Variants in PXDNL observed in about 807,000 individuals in gnomAD.
The protein encoded by PXDNL is peroxidasin like.
A neutral mutation model predicts 150.8 loss-of-function variants in PXDNL; 145 were observed. That is an observed-to-expected ratio of 0.96 (90% CI 0.84 to 1.10). The LOEUF (loss-of-function observed/expected upper bound fraction) is 1.10. Among genes scored for constraint, PXDNL ranks in the 50% least tolerant of loss-of-function variants. The probability of loss-of-function intolerance (pLI) is 0.00; values close to 1 mark genes in which losing one functional copy is unlikely to be tolerated. For synonymous variants in PXDNL, 757 were observed against 725.7 expected (o/e 1.04, Z -0.69); for missense variants, 2,087 against 1,873.9 (o/e 1.11, Z -2.10).
Position 51,374,697 on chromosome 8 carries a change from G to T in PXDNL, c.3592C>A (p.Pro1198Thr), listed in dbSNP as rs1407067131. Residue 1198 changes from proline (P) to threonine (T), a missense_variant, in exon 18 of 23, where the codon CCC (proline) becomes ACC (threonine). By Grantham distance (38) the Pro-to-Thr change is conservative. Coordinates refer to ENST00000356297, the MANE Select transcript of PXDNL (RefSeq NM_144651.5). ...ATCAGGTCTTCAACCATAAGGGCGG[G>T]CCAGAGGTCAATGTCACCTGGAGAG... ...YGSPGDIDLW[P>T]ALMVEDLIPG... 3 of 1,613,878 alleles carry T rather than the reference G, an allele frequency of 1.9e-6. No homozygotes were observed. Among genetic ancestry groups the T allele is most frequent in the East Asian group, 4.5e-5 (2 of 44,874 alleles).
chr8:51,341,452 G>T (rs533281048), intron 20 of PXDNL, among the ~76,000 whole-genome samples: 5 of 151,774 alleles, frequency 3.3e-5, no homozygotes, highest in African/African-American at 4.8e-5. Flanking sequence ...GTTTTTGTTT[G>T]TTTATTTTCA....
intron 2 of PXDNL, among the ~76,000 whole-genome samples, chr8:51,634,146 T>A (rs1466503855): frequency 6.6e-6 from 1 of 152,178 alleles, no homozygotes; most frequent in South Asian, 2.1e-4. Flanking sequence ...TTTGAGCTAA[T>A]TTTTTTATAC....
At chr8:51,635,481 C>G (rs1304398199) in intron 2 of PXDNL, among the ~76,000 whole-genome samples, 1 of 151,878 alleles carries the variant, frequency 6.6e-6, no homozygotes, top group Non-Finnish European at 1.5e-5. Flanking sequence ...AAAACTTTAG[C>G]TAGGCTAACC....
intron 11 of PXDNL, 39 bp from the exon 12 acceptor site, chr8:51,447,201 G>C: frequency 6.3e-7 from 1 of 1,599,766 alleles, no homozygotes; most frequent in Non-Finnish European, 8.5e-7. Flanking sequence ...TCATGGCCCA[G>C]AGCACTGAAA....
At chr8:51,398,112 G>T (rs965823947) in intron 17 of PXDNL, among the ~76,000 whole-genome samples, 16 of 152,222 alleles carry the variant, frequency 1.1e-4, no homozygotes, top group African/African-American at 3.4e-4. Context: ...CAACATGTGT[G>T]AGCCCACAGC....
intron 4 of PXDNL, among the ~76,000 whole-genome samples, chr8:51,500,356 T>C (rs983153133): frequency 4.6e-5 from 7 of 152,240 alleles, no homozygotes; most frequent in Admixed American, 2.6e-4. Flanking sequence ...TCTGTGCAAC[T>C]GATCCAGGAG....
chr8:51,515,262 G>A (rs1811511149), intron 4 of PXDNL, among the ~76,000 whole-genome samples: 1 of 152,156 alleles, frequency 6.6e-6, no homozygotes, highest in Non-Finnish European at 1.5e-5. Flanking sequence ...AGATGGAAGA[G>A]CAGGGGGAGA....
At chr8:51,419,637 T>C (rs1808893067) in intron 14 of PXDNL, among the ~76,000 whole-genome samples, 1 of 152,226 alleles carries the variant, frequency 6.6e-6, no homozygotes, top group Non-Finnish European at 1.5e-5. Context: ...AACCGAATCA[T>C]TTTCACGAGG....
At chr8:51,807,090 G>A (rs924224730) in intron 1 of PXDNL, among the ~76,000 whole-genome samples, 1 of 151,778 alleles carries the variant, frequency 6.6e-6, no homozygotes, top group Admixed American at 6.5e-5. Context: ...CCAATAGGGT[G>A]AAGAGTGCAT....
At chr8:51,782,233 G>A (rs1226530908) in intron 1 of PXDNL, among the ~76,000 whole-genome samples, 2 of 152,192 alleles carry the variant, frequency 1.3e-5, no homozygotes, top group Non-Finnish European at 2.9e-5. Flanking sequence ...CTGGCCTTCA[G>A]AGATGCCTTG....
chr8:51,493,248 A>G (rs183081005), intron 5 of PXDNL, among the ~76,000 whole-genome samples: 1 of 151,996 alleles, frequency 6.6e-6, no homozygotes, highest in African/African-American at 2.4e-5. Context: ...AAACTAACAA[A>G]CAGAAAGGAC....
At chr8:51,335,682 T>TAC (rs3040925) in intron 21 of PXDNL, among the ~76,000 whole-genome samples, 11,050 of 137,400 alleles carry the variant, frequency 0.08, 392 homozygotes, top group Middle Eastern at 0.1. Flanking sequence ...TTATATACCC[T>TAC]ACACACACAC....
chr8:51,797,907 T>C (rs35931258), intron 1 of PXDNL, among the ~76,000 whole-genome samples: 2 of 152,106 alleles, frequency 1.3e-5, no homozygotes, highest in Non-Finnish European at 2.9e-5. Context: ...GGAGGCATCA[T>C]GCTACCTGAC....
chr8:51,777,135 G>A (rs2037362203), intron 1 of PXDNL, among the ~76,000 whole-genome samples: 1 of 152,298 alleles, frequency 6.6e-6, no homozygotes, highest in South Asian at 2.1e-4. Flanking sequence ...TATGCAAAAT[G>A]GGTGATAGTC....
At chr8:51,737,518 A>G (rs530294245) in intron 1 of PXDNL, among the ~76,000 whole-genome samples, 4 of 152,322 alleles carry the variant, frequency 2.6e-5, no homozygotes, top group African/African-American at 9.6e-5. Context: ...AGGCCCAGCC[A>G]GGGCCAAGCA....
intron 1 of PXDNL, among the ~76,000 whole-genome samples, chr8:51,693,273 T>C (rs746910609): frequency 2.6e-5 from 4 of 152,316 alleles, no homozygotes; most frequent in Non-Finnish European, 4.4e-5. Context: ...AAGCTTAGTG[T>C]GGTAAAGAAT....
At chr8:51,742,600 G>A (rs2036917923) in intron 1 of PXDNL, among the ~76,000 whole-genome samples, 2 of 151,048 alleles carry the variant, frequency 1.3e-5, no homozygotes, top group African/African-American at 4.9e-5. Flanking sequence ...CAAAAAGGGG[G>A]ACAAAACATC....
At chr8:51,442,808 G>A (rs1484934930) in intron 12 of PXDNL, among the ~76,000 whole-genome samples, 1 of 151,930 alleles carries the variant, frequency 6.6e-6, no homozygotes, top group Non-Finnish European at 1.5e-5. Context: ...GGATACGCAA[G>A]GGCTTTGCTT....
intron 12 of PXDNL, among the ~76,000 whole-genome samples, chr8:51,429,954 T>C (rs1809211006): frequency 6.6e-6 from 1 of 152,190 alleles, no homozygotes. Flanking sequence ...CATGGCTGAT[T>C]GATGCCTGAC....
Sources: allele counts gnomAD v4.1 joint callset (sites outside exome capture counted in the v4.1 genomes callset), GRCh38; gene constraint gnomAD v4.1.1; transcripts MANE v1.5; gene names NCBI Gene and HGNC (gene_info 2026-07-23, HGNC 2026-07-21).